Variants in BCAS3 observed in about 807,000 individuals in gnomAD.
BCAS3 encodes the protein BCAS3 microtubule associated cell migration factor.
BCAS3 carries 53 observed loss-of-function variants against 116.1 expected under a neutral mutation model. The observed-to-expected ratio is 0.46, with a 90% confidence interval of 0.37 to 0.57. The LOEUF (loss-of-function observed/expected upper bound fraction) is 0.57, where lower values mean the gene tolerates loss of function less well. Ranked by LOEUF, BCAS3 falls within the 20% of genes least tolerant of loss-of-function variation. The pLI, the probability that BCAS3 is intolerant of heterozygous loss-of-function variation, is 0.00. For missense variants in BCAS3, 917 were observed against 1,165.4 expected, an observed-to-expected ratio of 0.79 and a Z score of 3.10; for synonymous variants, 391 against 408.2, an observed-to-expected ratio of 0.96 and a Z score of 0.51.
At chr17:60,849,281 C>CT (rs201004782) in intron 7 of BCAS3, among the ~76,000 whole-genome samples, 3,421 of 139,922 alleles carry the variant, frequency 0.024, 103 homozygotes, top group East Asian at 0.08. Flanking sequence ...GTGTTCAGTT[C>CT]TTTTTTTTTT....
At chr17:61,257,201 C>A (rs1166387360) in intron 22 of BCAS3, among the ~76,000 whole-genome samples, 1 of 152,044 alleles carries the variant, frequency 6.6e-6, no homozygotes, top group Non-Finnish European at 1.5e-5. Context: ...GCAGGCAGAT[C>A]ACGAGGTCAG....
At chr17:61,133,163 C>T (rs773413011) in intron 22 of BCAS3, among the ~76,000 whole-genome samples, 1 of 152,158 alleles carries the variant, frequency 6.6e-6, no homozygotes, top group African/African-American at 2.4e-5. Flanking sequence ...AGAACAACAA[C>T]AAATGAGTTG....
rs1439303487 is a variant in BCAS3, at chr17:61,364,703, G to C, written c.2426-3624G>C. ...GGTCTGGGCAAAAGAGTGAGACCCCGTCTCAAAACAAAACAAAACAAAACA... is the reference window on the plus strand; with the variant it reads ...GGTCTGGGCAAAAGAGTGAGACCCCCTCTCAAAACAAAACAAAACAAAACA... On this transcript the variant is annotated intron_variant, in intron 22 of 23. Transcript: ENST00000407086. The surrounding 1 kb of genome is among the most constrained non-coding windows in gnomAD (Gnocchi z 5.4). 1.3e-5 allele frequency among the ~76,000 whole-genome samples: 2 copies of C among 152,088 alleles called. No homozygotes were observed. Among genetic ancestry groups the C allele is most frequent in the Non-Finnish European group, 2.9e-5 (2 of 68,026 alleles).
chr17:60,889,313 C>G (rs2056971158), intron 9 of BCAS3, among the ~76,000 whole-genome samples: 1 of 152,118 alleles, frequency 6.6e-6, no homozygotes, highest in South Asian at 2.1e-4. Context: ...CTTTAAATTC[C>G]TGAACCCATC....
intron 22 of BCAS3, among the ~76,000 whole-genome samples, chr17:61,267,081 G>A (rs146042830): frequency 0.021 from 3,247 of 152,172 alleles, 109 homozygotes; most frequent in African/African-American, 0.073. Context: ...TTTTTGAGAC[G>A]GAGTCTCGCT....
chr17:60,995,143 AATTCT>A lies in BCAS3; in HGVS notation c.1486+4919_1486+4923del, dbSNP rs1298471552. On this transcript the variant is annotated intron_variant, in intron 15 of 23. Transcript: ENST00000407086. This position sits in a 1 kb window ranked among gnomAD's most constrained non-coding sequence, Gnocchi z 4.7. ...CAGGTGCGTGCCACCATGCCCAGCT[AATTCT>A]ATTCTATTCTTTTCTTTTCTTTTAG... Among the ~76,000 whole-genome samples, 1 of 151,730 alleles carries A rather than the reference AATTCT, an allele frequency of 6.6e-6. No homozygotes were observed. Among genetic ancestry groups the A allele is most frequent in the Non-Finnish European group, 1.5e-5 (1 of 67,950 alleles).
Position 61,017,791 on chromosome 17 carries a change from C to T in BCAS3, c.1637+1890C>T, listed in dbSNP as rs1204015987. Among the ~76,000 whole-genome samples the T allele has an allele frequency of 6.6e-6, 1 of 152,062 alleles. No individual in the cohort carries two copies. The highest frequency in any genetic ancestry group is 1.5e-5 in the Non-Finnish European group (1 of 67,970). ...AATTTTCCATAAGAAGATAAAATCT[C>T]TTGCTTTCTTTCTCTCTCTCTCCCT... On this transcript the variant is annotated intron_variant, in intron 16 of 23. Coordinates refer to ENST00000407086, the MANE Select transcript of BCAS3 (RefSeq NM_017679.5). The surrounding 1 kb of genome is among the most constrained non-coding windows in gnomAD (Gnocchi z 4.7).
At chr17:60,909,147 A>C (rs1280984287) in intron 11 of BCAS3, among the ~76,000 whole-genome samples, 2 of 152,218 alleles carry the variant, frequency 1.3e-5, no homozygotes, top group Non-Finnish European at 2.9e-5. Context: ...CCTAGTCCAT[A>C]GAAAAGCCAC....
At chr17:61,154,639 C>T (rs981811414) in intron 22 of BCAS3, among the ~76,000 whole-genome samples, 2 of 151,974 alleles carry the variant, frequency 1.3e-5, no homozygotes, top group Non-Finnish European at 2.9e-5. Context: ...GATGAGATCT[C>T]TCTACATTGC....
At chr17:61,386,168 GGGAACCTGA>G (rs2059836011) in intron 23 of BCAS3, among the ~76,000 whole-genome samples, 1 of 152,158 alleles carries the variant, frequency 6.6e-6, no homozygotes, top group Non-Finnish European at 1.5e-5. Context: ...CCTCATGTTC[GGGAACCTGA>G]GGCACAAAGA....
intron 12 of BCAS3, among the ~76,000 whole-genome samples, chr17:60,921,695 A>G (rs1475822164): frequency 1.3e-5 from 2 of 151,392 alleles, no homozygotes; most frequent in Admixed American, 6.6e-5. Flanking sequence ...AGACTACTAG[A>G]GTGGGGAGGG....
Position 60,947,503 on chromosome 17 carries a change from T to A in BCAS3, c.1221+151T>A, listed in dbSNP as rs73993556. On this transcript the variant is annotated intron_variant, in intron 14 of 23. Transcript: ENST00000407086. ...AATGGGTTAGATAAATAGGGAAAAATTCCGTTTTGACCCAGTAAATACATA... is the reference window on the plus strand; with the variant it reads ...AATGGGTTAGATAAATAGGGAAAAAATCCGTTTTGACCCAGTAAATACATA... 9.1e-4 allele frequency: 783 copies of A among 857,940 alleles called. 5 individuals are homozygous for A. The African/African-American group carries it at 0.012, about 13-fold the overall frequency. The allele number at this position is 857,940 out of a possible 1,614,324, so 53.1% of individuals were successfully genotyped here. A position where few individuals can be genotyped will look rare whatever the true frequency, so the allele number is the denominator to read the frequency against.
chr17:60,955,305 C>T (rs2061062184), intron 14 of BCAS3, among the ~76,000 whole-genome samples: 1 of 151,822 alleles, frequency 6.6e-6, no homozygotes. Context: ...AATAAATTTT[C>T]ACCATCTAAT....
In BCAS3 at chr17:60,999,200, ATAC is replaced by A. The variant is rs562345488; in HGVS notation, c.1486+8968_1486+8970del. On this transcript the variant is annotated intron_variant, in intron 15 of 23. Coordinates refer to ENST00000407086, the MANE Select transcript of BCAS3 (RefSeq NM_017679.5). Reference sequence around the variant, plus strand: ...GTCTATGTGTCTTATTTTTGCACCAATACTATCCTGTTTTTGTTACCATAGCCT... The same window carrying A: ...GTCTATGTGTCTTATTTTTGCACCAATATCCTGTTTTTGTTACCATAGCCT... Among the ~76,000 whole-genome samples, 3 of 152,252 alleles carry A rather than the reference ATAC, an allele frequency of 2.0e-5. No homozygotes were observed. The South Asian group carries it at 6.2e-4, about 32-fold the overall frequency.
At position 61,144,307 on chromosome 17, in the gene BCAS3, C is replaced by T. The variant is rs1057291292; in HGVS notation, c.2425+59743C>T. 1.3e-5 allele frequency among the ~76,000 whole-genome samples: 2 copies of T among 152,172 alleles called. No homozygotes were observed. The highest frequency in any genetic ancestry group is 2.9e-5 in the Non-Finnish European group (2 of 68,052). The stretch of plus-strand genomic sequence containing the variant: ...TCCATATAAGGCAAGTGACTCCCTA[C>T]CATCTCCTCCGAGTCTTCTACGTGT... On this transcript the variant is annotated intron_variant, in intron 22 of 23. Coordinates refer to ENST00000407086, the MANE Select transcript of BCAS3 (RefSeq NM_017679.5). The surrounding 1 kb of genome is among the most constrained non-coding windows in gnomAD (Gnocchi z 5.0).
At chr17:60,954,110 G>C (rs1337341749) in intron 14 of BCAS3, among the ~76,000 whole-genome samples, 2 of 152,098 alleles carry the variant, frequency 1.3e-5, no homozygotes, top group Non-Finnish European at 2.9e-5. Flanking sequence ...ACCATTTATT[G>C]AATAGGGAGT....
At chr17:60,707,055 G>A (rs1855896840) in intron 4 of BCAS3, among the ~76,000 whole-genome samples, 1 of 151,862 alleles carries the variant, frequency 6.6e-6, no homozygotes, top group Admixed American at 6.6e-5. Context: ...GCAATGGCTT[G>A]ATCTCGGCTT....
intron 14 of BCAS3, among the ~76,000 whole-genome samples, chr17:60,955,565 T>A (rs1238546052): frequency 6.6e-6 from 1 of 151,764 alleles, no homozygotes; most frequent in African/African-American, 2.4e-5. Context: ...GTAATTTTAG[T>A]AGAGATGGGG....
chr17:61,134,459 C>G lies in BCAS3; in HGVS notation c.2425+49895C>G, dbSNP rs1056408474. Among the ~76,000 whole-genome samples, 8 of 152,208 alleles carry G rather than the reference C, an allele frequency of 5.3e-5. No individual in the cohort carries two copies. The highest frequency in any genetic ancestry group is 1.5e-5 in the Non-Finnish European group (1 of 68,042). ...GACTCCAGAGCCCTCGCTTTTTACA[C>G]CAGCCTCTACTATCTCCCTGTGTGA... On this transcript the variant is annotated intron_variant, in intron 22 of 23. Transcript: ENST00000407086. This position sits in a 1 kb window ranked among gnomAD's most constrained non-coding sequence, Gnocchi z 4.6.
Sources: gnomAD v4.1 joint callset for allele counts (sites outside exome capture counted in the v4.1 genomes callset) on GRCh38, gnomAD v4.1.1 for gene constraint, Gnocchi (gnomAD v3.1) non-coding constraint, MANE v1.5 for transcripts, NCBI Gene and HGNC (gene_info 2026-07-23, HGNC 2026-07-21) for gene names.